CNOT4: variants seen among roughly 807,000 people sequenced by gnomAD.
CNOT4 encodes the protein CCR4-associated factor 4.
A neutral mutation model predicts 73.8 loss-of-function variants in CNOT4; 8 were observed. The ratio of observed to expected loss-of-function variants is 0.11; its 90% confidence interval spans 0.06 to 0.20. CNOT4 has a LOEUF of 0.20. Among genes scored for constraint, CNOT4 ranks in the 10% least tolerant of loss-of-function variants. The pLI is 1.00. For missense variants in CNOT4, 564 were observed against 883.4 expected (o/e 0.64, Z 4.58); for synonymous variants, 293 against 321.1 (o/e 0.91, Z 0.94).
At chr7:135,387,076 G>C (rs963291586) in intron 10 of CNOT4, 2 of 984,528 alleles carry the variant, frequency 2.0e-6, no homozygotes, top group Non-Finnish European at 2.4e-6. Flanking sequence ...AGACATAAGT[G>C]AAGTCTTGGC....
chr7:135,396,679 T>C (rs1482562983), intron 8 of CNOT4, among the ~76,000 whole-genome samples: 1 of 152,106 alleles, frequency 6.6e-6, no homozygotes, highest in African/African-American at 2.4e-5. Flanking sequence ...TTCTTAGGTA[T>C]TTAATTCAGA....
chr7:135,440,221 TAAA>T (rs71174523), intron 1 of CNOT4, among the ~76,000 whole-genome samples: 4 of 107,476 alleles, frequency 3.7e-5, no homozygotes, highest in Admixed American at 9.4e-5. Flanking sequence ...ACAGACAAGT[TAAA>T]AAAAAAAAAA....
intron 10 of CNOT4, among the ~76,000 whole-genome samples, chr7:135,385,092 T>A (rs1358411833): frequency 6.6e-6 from 1 of 152,250 alleles, no homozygotes; most frequent in Non-Finnish European, 1.5e-5. Context: ...AGCAATGGCA[T>A]ACTACTGGAA....
At chr7:135,412,906 G>C (rs760745324) in intron 6 of CNOT4, among the ~76,000 whole-genome samples, 1 of 151,950 alleles carries the variant, frequency 6.6e-6, no homozygotes, top group African/African-American at 2.4e-5. Flanking sequence ...AAGGAGACAG[G>C]AGAAGAGGAA....
intron 1 of CNOT4, among the ~76,000 whole-genome samples, chr7:135,491,081 G>A (rs1803077204): frequency 6.6e-6 from 1 of 152,228 alleles, no homozygotes; most frequent in African/African-American, 2.4e-5. Context: ...GATGAGGAAG[G>A]CTATGTGGAC....
At position 135,393,927 on chromosome 7, in the gene CNOT4, G is replaced by T; in HGVS notation, c.1618C>A (p.Pro540Thr). The T allele has an allele frequency of 6.2e-7, 1 of 1,602,708 alleles. No homozygotes were observed. The highest frequency in any genetic ancestry group is 8.5e-7 in the Non-Finnish European group (1 of 1,173,668). Residue 540 changes from proline (P) to threonine (T), a missense_variant, in exon 10 of 12, where the codon CCT becomes ACT. Physicochemically the swap from Pro to Thr is conservative, Grantham distance 38. Transcript: ENST00000541284. ...TTTTAAATGAACCTACCTGCTACAG[G>T]GATCCCTCCCAGACCTGTGTTGTGC... ...PQHNTGLGGI[P>T]VADNSSSVES...
intron 8 of CNOT4, 97 bp downstream of exon 8, chr7:135,398,072 T>G: frequency 1.4e-6 from 1 of 718,634 alleles, no homozygotes. Flanking sequence ...GTTTTTAAAT[T>G]GTGTCAGTAA....
chr7:135,489,578 T>TA (rs1029368087), intron 1 of CNOT4, among the ~76,000 whole-genome samples: 35 of 151,978 alleles, frequency 2.3e-4, no homozygotes, highest in African/African-American at 6.8e-4. Context: ...GTATTTTCAG[T>TA]AGAGATAGGG....
At chr7:135,473,412 T>C (rs1174295007) in intron 1 of CNOT4, among the ~76,000 whole-genome samples, 1 of 152,162 alleles carries the variant, frequency 6.6e-6, no homozygotes, top group Non-Finnish European at 1.5e-5. Flanking sequence ...TTTCCATTTA[T>C]TTCTCTGAAA....
At chr7:135,470,596 C>T (rs1801519648) in intron 1 of CNOT4, among the ~76,000 whole-genome samples, 1 of 150,736 alleles carries the variant, frequency 6.6e-6, no homozygotes. Flanking sequence ...CCTCAATGTC[C>T]ATCAACATGT....
rs1803477096 is a variant in CNOT4 at position 135,495,688 on chromosome 7, A to AG, written c.-93+14200_-93+14201insC. Among the ~76,000 whole-genome samples, 151 of 53,232 alleles carry AG rather than the reference A, an allele frequency of 2.8e-3. 1 individual carries two copies. The highest frequency in any genetic ancestry group is 9.9e-3 in the African/African-American group (142 of 14,350). 34.9% of individuals were successfully genotyped at this position (53,232 alleles called of 152,430 possible). A position where few individuals can be genotyped will look rare whatever the true frequency, so the allele number is the denominator to read the frequency against. ...CTGTGTCAAAAAAAAAAAAAAAAAA[A>AG]AAAAAGAAAGAAAGAAAGAAAGAAA... On this transcript the variant is annotated intron_variant, in intron 1 of 11. Transcript: ENST00000541284.
intron 3 of CNOT4, among the ~76,000 whole-genome samples, chr7:135,418,626 G>A (rs897668402): frequency 1.4e-4 from 22 of 152,110 alleles, no homozygotes; most frequent in Admixed American, 1.4e-3. Flanking sequence ...GTAAGACCAC[G>A]GACAAGTCAC....
intron 1 of CNOT4, among the ~76,000 whole-genome samples, chr7:135,503,651 A>T (rs1402737251): frequency 6.6e-6 from 1 of 152,214 alleles, no homozygotes; most frequent in Non-Finnish European, 1.5e-5. Flanking sequence ...ACCAAAATAT[A>T]ACATTTTCTT....
Position 135,394,255 on chromosome 7 carries a change from G to A in CNOT4, c.1290C>T (p.Ser430=), listed in dbSNP as rs751018912. 6.2e-7 allele frequency: 1 copy of A among 1,614,134 alleles called. No homozygotes were observed. The highest frequency in any genetic ancestry group is 2.2e-5 in the East Asian group (1 of 44,884). ...AGTTCTGAAGAGATGTGGGCGAAAGGGAAGGTTGGTCTTGAACGGACAGTT... is the reference window on the plus strand; with the variant it reads ...AGTTCTGAAGAGATGTGGGCGAAAGAGAAGGTTGGTCTTGAACGGACAGTT... ...EKELSVQDQP[S]LSPTSLQNSS... The change falls in exon 10 of 12, where the codon TCC becomes TCT. Residue 430 remains serine, a synonymous_variant. Transcript: ENST00000541284.
At chr7:135,372,998 A>G (rs559697957) in intron 10 of CNOT4, among the ~76,000 whole-genome samples, 2 of 152,368 alleles carry the variant, frequency 1.3e-5, no homozygotes, top group South Asian at 4.1e-4. Flanking sequence ...GCAATAATAA[A>G]TAAATCTATA....
chr7:135,382,485 A>T (rs984203179), intron 10 of CNOT4, among the ~76,000 whole-genome samples: 1 of 152,046 alleles, frequency 6.6e-6, no homozygotes, highest in Non-Finnish European at 1.5e-5. Flanking sequence ...GTCACAGTTG[A>T]TATTTCAGCT....
At chr7:135,414,283 T>A in intron 5 of CNOT4, 48 bp downstream of exon 5, 1 of 738,310 alleles carries the variant, frequency 1.4e-6, no homozygotes, top group Non-Finnish European at 2.4e-6. Flanking sequence ...CTATATTTTA[T>A]CTCGTCTTCC....
In CNOT4 at chr7:135,395,677, A is replaced by C; in HGVS notation, c.1086T>G (p.Ser362Arg). The change falls in exon 9 of 12, where the codon AGT (serine) becomes AGG (arginine). Residue 362 changes from serine to arginine, a missense_variant. This residue lies in a region of CNOT4 where 135 missense variants were observed against 154.0 expected (regional missense o/e 0.88). Coordinates refer to ENST00000541284, the MANE Select transcript of CNOT4 (RefSeq NM_001190850.2). The part of the protein sequence containing the change: ...PPFPSSPQTS[S>R]DWPTAPEPQS... Reference sequence around the variant, plus strand: ...GTGGTTCTGGTGCTGTAGGCCAGTCACTGGATGTCTGTGGGGAGCTGGGGA... The same window carrying C: ...GTGGTTCTGGTGCTGTAGGCCAGTCCCTGGATGTCTGTGGGGAGCTGGGGA... The C allele has an allele frequency of 6.2e-7, 1 of 1,614,136 alleles. No homozygotes were observed. Among genetic ancestry groups the C allele is most frequent in the Non-Finnish European group, 8.5e-7 (1 of 1,180,002 alleles).
In CNOT4 at chr7:135,410,782, A is replaced by C. The variant is rs536185059; in HGVS notation, c.688-134T>G. On this transcript the variant is annotated intron_variant, in intron 6 of 11. Coordinates refer to ENST00000541284, the MANE Select transcript of CNOT4 (RefSeq NM_001190850.2). ...TTTTTAAAAAATAAAATATTAAATA[A>C]ATTTTAAATAAATTTTTAAATAAAA... The C allele has an allele frequency of 2.2e-5, 12 of 557,808 alleles. No homozygotes were observed. The South Asian group carries it at 6.3e-4, about 29-fold the overall frequency. The allele number at this position is 557,808 out of a possible 1,614,324, so 34.6% of individuals were successfully genotyped here.
Sources: allele counts gnomAD v4.1 joint callset (sites outside exome capture counted in the v4.1 genomes callset), GRCh38; gene constraint gnomAD v4.1.1; regional missense constraint gnomAD v4.1.1; transcripts MANE v1.5; gene names NCBI Gene and HGNC (gene_info 2026-07-23, HGNC 2026-07-21).